NIPAL3: variants seen among roughly 807,000 people sequenced by gnomAD.
NIPAL3 encodes the protein NIPA like domain containing 3, also known as NIPA-like protein 3.
NIPAL3 carries 41 observed loss-of-function variants against 47.2 expected under a neutral mutation model. The observed-to-expected ratio is 0.87, with a 90% CI of 0.68 to 1.13. The LOEUF (loss-of-function observed/expected upper bound fraction) is 1.13, where lower values mean the gene tolerates loss of function less well. Ranked by LOEUF, NIPAL3 falls within the 50% of genes most tolerant of loss-of-function variation. The probability of loss-of-function intolerance (pLI) is 0.00; values close to 1 mark genes in which losing one functional copy is unlikely to be tolerated. For missense variants in NIPAL3, 449 were observed against 530.1 expected (o/e 0.85, Z 1.50); for synonymous variants, 194 against 209.6 (o/e 0.93, Z 0.64).
intron 6 of NIPAL3, 86 bp from the exon 7 acceptor site, chr1:24,453,322 C>A: frequency 1.2e-6 from 1 of 848,464 alleles, no homozygotes; most frequent in East Asian, 2.5e-5. Context: ...CCCTGTGACT[C>A]TGGTGATGGC....
chr1:24,449,549 G>A lies in NIPAL3; in HGVS notation c.463G>A (p.Ala155Thr), dbSNP rs143925255. The part of the protein sequence containing the change: ...VVGTYLLVTF[A>T]PNSHEKMTGE... ...GGGTACCTACCTGCTGGTGACATTCGCACCCAACAGTCACGAGAAGATGAC... is the reference window on the plus strand; with the variant it reads ...GGGTACCTACCTGCTGGTGACATTCACACCCAACAGTCACGAGAAGATGAC... Residue 155 changes from alanine to threonine, a missense_variant, in exon 6 of 12, where the codon GCA becomes ACA. Physicochemically the swap from Ala to Thr is moderately conservative, Grantham distance 58. Transcript: ENST00000374399. The surrounding 1 kb of genome is among the most constrained non-coding windows in gnomAD (Gnocchi z 4.5). 9.9e-6 allele frequency: 16 copies of A among 1,613,852 alleles called. No individual in the cohort carries two copies. The highest frequency in any genetic ancestry group is 2.2e-5 in the East Asian group (1 of 44,880).
chr1:24,466,655 G>A (rs941482222), intron 11 of NIPAL3, among the ~76,000 whole-genome samples: 8 of 152,074 alleles, frequency 5.3e-5, no homozygotes, highest in African/African-American at 1.2e-4. Flanking sequence ...GTGGTTCCCC[G>A]CCGTGTACAC....
chr1:24,466,239 C>CTTG, intron 11 of NIPAL3: 1 of 681,396 alleles, frequency 1.5e-6, no homozygotes, highest in Non-Finnish European at 2.4e-6. Flanking sequence ...GACAAGGCCA[C>CTTG]TCTGCAGCTG....
intron 5 of NIPAL3, 141 bp downstream of exon 5, chr1:24,445,385 G>A: frequency 1.8e-6 from 1 of 561,062 alleles, no homozygotes. Flanking sequence ...ACAGGCTCCT[G>A]AGAGCTGGAT....
chr1:24,452,388 C>T (rs2148831008), intron 6 of NIPAL3, among the ~76,000 whole-genome samples: 1 of 152,278 alleles, frequency 6.6e-6, no homozygotes, highest in Middle Eastern at 3.4e-3. Flanking sequence ...CGTGGTAGTA[C>T]CTGCTTCGTA....
In NIPAL3 at chr1:24,428,312, C is replaced by A. The variant is rs550005774; in HGVS notation, c.93+8672C>A. On this transcript the variant is annotated intron_variant, in intron 2 of 11. Transcript: ENST00000374399. ...AGAGAGAGAGAGAGAGACACCAGAA[C>A]CTTTCCCCAAAGCCAGCTATAAAAC... Among the ~76,000 whole-genome samples the A allele has an allele frequency of 1.2e-3, 128 of 109,062 alleles. No individual in the cohort carries two copies. In the East Asian group the frequency reaches 0.035, roughly 30 times the overall value. The allele number at this position is 109,062 out of a possible 152,430, so 71.5% of individuals were successfully genotyped here. A position where few individuals can be genotyped will look rare whatever the true frequency, so the allele number is the denominator to read the frequency against.
In NIPAL3 at chr1:24,459,190, C is replaced by G. The variant is rs376118307; in HGVS notation, c.862+214C>G. Reference sequence around the variant, plus strand: ...GCAAACATCACTTAACCTCTCTGAGCCTCAGCTCCACATTCATAAAATGGG... The same window carrying G: ...GCAAACATCACTTAACCTCTCTGAGGCTCAGCTCCACATTCATAAAATGGG... On this transcript the variant is annotated intron_variant, in intron 9 of 11. Transcript: ENST00000374399. 2.0e-5 allele frequency among the ~76,000 whole-genome samples: 3 copies of G among 152,320 alleles called. No individual in the cohort carries two copies. In the South Asian group the frequency reaches 6.2e-4, roughly 32 times the overall value.
intron 10 of NIPAL3, among the ~76,000 whole-genome samples, chr1:24,461,204 T>C (rs1319214312): frequency 6.6e-6 from 1 of 152,092 alleles, no homozygotes; most frequent in East Asian, 1.9e-4. Flanking sequence ...TTGAGGCCAG[T>C]CTGTAGGTGC....
Position 24,449,852 on chromosome 1 carries a change from T to G in NIPAL3, c.540+226T>G, listed in dbSNP as rs1383079761. On this transcript the variant is annotated intron_variant, in intron 6 of 11. Coordinates refer to ENST00000374399, the MANE Select transcript of NIPAL3 (RefSeq NM_020448.5). This position sits in a 1 kb window ranked among gnomAD's most constrained non-coding sequence, Gnocchi z 4.5. ...GGGAGTGTAAATTGGTACAGCCACT[T>G]GGGAAAAACATTTGACACTAATTAC... Among the ~76,000 whole-genome samples, 2 of 152,186 alleles carry G rather than the reference T, an allele frequency of 1.3e-5. No individual in the cohort carries two copies. The highest frequency in any genetic ancestry group is 1.3e-4 in the Admixed American group (2 of 15,278).
At chr1:24,443,466 G>T (rs930591737) in intron 4 of NIPAL3, among the ~76,000 whole-genome samples, 5 of 152,282 alleles carry the variant, frequency 3.3e-5, no homozygotes, top group East Asian at 1.9e-4. Context: ...CAGATGCATG[G>T]TAACTATGTG....
chr1:24,466,009 T>C, intron 11 of NIPAL3: 1 of 1,611,172 alleles, frequency 6.2e-7, no homozygotes, highest in Non-Finnish European at 8.5e-7. Flanking sequence ...CCTAGATTCA[T>C]ATCTTCACAA....
At chr1:24,447,790 C>T (rs1645742201) in intron 5 of NIPAL3, among the ~76,000 whole-genome samples, 1 of 152,248 alleles carries the variant, frequency 6.6e-6, no homozygotes, top group Non-Finnish European at 1.5e-5. Flanking sequence ...AAGAAGGCCC[C>T]TCTGGGCATC....
chr1:24,428,178 T>A (rs928962088), intron 2 of NIPAL3, among the ~76,000 whole-genome samples: 24 of 151,450 alleles, frequency 1.6e-4, no homozygotes, highest in Non-Finnish European at 3.2e-4. Context: ...AGATGGAGGT[T>A]GCAGTGAGCT....
In NIPAL3 at chr1:24,454,400, TC is replaced by T. The variant is rs993288486; in HGVS notation, c.637+897del. On this transcript the variant is annotated intron_variant, in intron 7 of 11. Coordinates refer to ENST00000374399, the MANE Select transcript of NIPAL3 (RefSeq NM_020448.5). This position sits in a 1 kb window ranked among gnomAD's most constrained non-coding sequence, Gnocchi z 4.1. ...GGGGGGGCCTATGAGAACATCCAAG[TC>T]ACGGAAGGGAGTGGGGGTTAAATGA... 1 of 1,034,114 alleles carries T rather than the reference TC, an allele frequency of 9.7e-7. No individual in the cohort carries two copies. The highest frequency in any genetic ancestry group is 1.2e-6 in the Non-Finnish European group (1 of 859,258). The allele number at this position is 1,034,114 out of a possible 1,614,324, so 64.1% of individuals were successfully genotyped here. A position where few individuals can be genotyped will look rare whatever the true frequency, so the allele number is the denominator to read the frequency against.
chr1:24,454,438 G>T lies in NIPAL3; in HGVS notation c.637+934G>T. ...TGGGGGTTAAATGAGATGTGCACAG[G>T]TGGCTAATATGTGCATTTTTCTTCC... is the stretch of plus-strand genomic sequence containing the variant. On this transcript the variant is annotated intron_variant, in intron 7 of 11. Transcript: ENST00000374399. This position sits in a 1 kb window ranked among gnomAD's most constrained non-coding sequence, Gnocchi z 4.1. The T allele has an allele frequency of 1.0e-6, 1 of 1,003,118 alleles. No homozygotes were observed. The highest frequency in any genetic ancestry group is 1.2e-6 in the Non-Finnish European group (1 of 840,452). 62.1% of individuals were successfully genotyped at this position (1,003,118 alleles called of 1,614,324 possible). A position where few individuals can be genotyped will look rare whatever the true frequency, so the allele number is the denominator to read the frequency against.
chr1:24,441,565 A>G (rs754053405), intron 3 of NIPAL3, among the ~76,000 whole-genome samples: 6 of 152,146 alleles, frequency 3.9e-5, no homozygotes, highest in Non-Finnish European at 5.9e-5. Flanking sequence ...TACCCACACA[A>G]CTGCCCAGCG....
chr1:24,426,212 A>G (rs1557488649), intron 2 of NIPAL3, among the ~76,000 whole-genome samples: 1 of 151,830 alleles, frequency 6.6e-6, no homozygotes, highest in South Asian at 2.1e-4. Context: ...AGACTGCAGC[A>G]TGGGTAGAGT....
At chr1:24,466,744 A>G (rs1216175469) in intron 11 of NIPAL3, among the ~76,000 whole-genome samples, 3 of 152,152 alleles carry the variant, frequency 2.0e-5, no homozygotes, top group Non-Finnish European at 4.4e-5. Context: ...GCTGGAGGGC[A>G]TTGACAAAAT....
At position 24,415,809 on chromosome 1, in the gene NIPAL3, G is replaced by A; in HGVS notation, c.-353G>A. ...CAGCATCTTGGCAGCTCTGAATTGG[G>A]AAGGGATGAAGGAGGCTGTGCCTCC... On this transcript the variant is annotated 5_prime_UTR_variant, in exon 1 of 12. Coordinates refer to ENST00000374399, the MANE Select transcript of NIPAL3 (RefSeq NM_020448.5). The A allele has an allele frequency of 1.0e-6, 1 of 984,482 alleles. No individual in the cohort carries two copies. The highest frequency in any genetic ancestry group is 4.7e-5 in the South Asian group (1 of 21,266). 61.0% of individuals were successfully genotyped at this position (984,482 alleles called of 1,614,324 possible).
Sources: allele counts gnomAD v4.1 joint callset (sites outside exome capture counted in the v4.1 genomes callset), GRCh38; gene constraint gnomAD v4.1.1; non-coding constraint Gnocchi (gnomAD v3.1); transcripts MANE v1.5; gene names NCBI Gene and HGNC (gene_info 2026-07-23, HGNC 2026-07-21).